The following SHROOM4 variants were observed in gnomAD, a reference collection of about 807,000 sequenced individuals.
SHROOM4 encodes protein Shroom4.
A neutral mutation model predicts 80.3 loss-of-function variants in SHROOM4; 17 were observed. The observed-to-expected ratio is 0.21, with a 90% CI of 0.14 to 0.32. SHROOM4 has a LOEUF of 0.32. Among genes scored for constraint, SHROOM4 ranks in the 10% least tolerant of loss-of-function variants. SHROOM4 has a pLI of 1.00. For synonymous variants in SHROOM4, 400 were observed against 437.5 expected (o/e 0.91, Z 1.07); for missense variants, 993 against 1,140.3 (o/e 0.87, Z 1.86).
At chrX:50,745,056 C>T (rs1934745672) in intron 1 of SHROOM4, among the ~76,000 whole-genome samples, 1 of 111,674 alleles carries the variant, frequency 9.0e-6, no homozygotes, top group African/African-American at 3.3e-5. Context: ...TAGGGTTTAG[C>T]AGCTCATAAA....
intron 1 of SHROOM4, among the ~76,000 whole-genome samples, chrX:50,781,935 G>A (rs952141598): frequency 9.0e-5 from 10 of 111,552 alleles, no homozygotes; most frequent in Non-Finnish European, 9.4e-5. Context: ...TGGGCCGAGC[G>A]TAGCGGCTCA....
chrX:50,665,335 A>G (rs1335869454), intron 2 of SHROOM4, among the ~76,000 whole-genome samples: 1 of 111,215 alleles, frequency 9.0e-6, no homozygotes, highest in East Asian at 2.8e-4. Context: ...GTAACTTAGA[A>G]ATCCTCAATT....
chrX:50,797,569 T>C (rs1016836134), intron 1 of SHROOM4, among the ~76,000 whole-genome samples: 1 of 111,817 alleles, frequency 8.9e-6, no homozygotes, highest in African/African-American at 3.3e-5. Context: ...GAGACAAGGA[T>C]GACTGGGAAA....
chrX:50,716,466 T>C (rs1242025138), intron 1 of SHROOM4, among the ~76,000 whole-genome samples: 1 of 111,955 alleles, frequency 8.9e-6, no homozygotes, highest in Admixed American at 9.5e-5. Flanking sequence ...TAAATATATA[T>C]AATTTTTATG....
chrX:50,682,183 A>G (rs1227220499), intron 2 of SHROOM4, among the ~76,000 whole-genome samples: 1 of 112,014 alleles, frequency 8.9e-6, no homozygotes, highest in Non-Finnish European at 1.9e-5. Flanking sequence ...TCTAAGAGGC[A>G]CTCAATAAAT....
chrX:50,728,623 T>C (rs1270516327), intron 1 of SHROOM4, among the ~76,000 whole-genome samples: 7 of 111,922 alleles, frequency 6.3e-5, no homozygotes, highest in East Asian at 5.7e-4. Flanking sequence ...AATTCAGGTC[T>C]AAAAACAAAG....
intron 2 of SHROOM4, among the ~76,000 whole-genome samples, chrX:50,680,508 A>G (rs1932918347): frequency 9.0e-6 from 1 of 111,331 alleles, no homozygotes; most frequent in Admixed American, 9.6e-5. Context: ...CTCTCTCTAG[A>G]CATATAAATT....
intron 1 of SHROOM4, among the ~76,000 whole-genome samples, chrX:50,750,088 G>C (rs1396162180): frequency 9.0e-6 from 1 of 111,491 alleles, no homozygotes; most frequent in Non-Finnish European, 1.9e-5. Flanking sequence ...TTCTAGGAAT[G>C]GAATGATTGA....
intron 1 of SHROOM4, among the ~76,000 whole-genome samples, chrX:50,785,337 TGA>T (rs1372869234): frequency 1.8e-5 from 2 of 111,781 alleles, no homozygotes; most frequent in Non-Finnish European, 3.8e-5. Context: ...GACTTATATG[TGA>T]CTGTTCATAG....
At chrX:50,664,462 AC>A (rs199902522) in intron 2 of SHROOM4, among the ~76,000 whole-genome samples, 2,902 of 111,895 alleles carry the variant, frequency 0.026, 89 homozygotes, top group African/African-American at 0.09. Context: ...GAGAGAAAGT[AC>A]CTTTGTGTCC....
At chrX:50,614,315 T>C (rs782611384) in intron 5 of SHROOM4, among the ~76,000 whole-genome samples, 1 of 112,129 alleles carries the variant, frequency 8.9e-6, no homozygotes, top group East Asian at 2.8e-4. Flanking sequence ...AAAAATTATG[T>C]CCAGAAAAAA....
downstream of SHROOM4, among the ~76,000 whole-genome samples, chrX:50,586,249 A>G (rs1415648398): frequency 8.9e-6 from 1 of 111,763 alleles, no homozygotes; most frequent in Non-Finnish European, 1.9e-5. Context: ...ATCAGGGAAC[A>G]AGTTGTTATT....
downstream of SHROOM4, among the ~76,000 whole-genome samples, chrX:50,585,765 C>T (rs1928747106): frequency 9.0e-6 from 1 of 111,592 alleles, no homozygotes; most frequent in South Asian, 3.8e-4. Context: ...TTTTGAGTGC[C>T]ATTCCAGCGA....
Position 50,593,070 on chromosome X carries a change from T to C in SHROOM4, c.*3625A>G, listed in dbSNP as rs1398026513. 1 of 111,759 alleles carries C rather than the reference T, an allele frequency of 8.9e-6. No homozygotes were observed. Among genetic ancestry groups the C allele is most frequent in the Non-Finnish European group, 1.9e-5 (1 of 53,182 alleles). The allele number at this position is 111,759 out of a possible 1,213,427, so 9.2% of individuals were successfully genotyped here. A position where few individuals can be genotyped will look rare whatever the true frequency, so the allele number is the denominator to read the frequency against. ...ACTCTGTACCCCCTACTCAGGATGG[T>C]CTTGAAATAGATGTCTAAAAGCTGT... is the stretch of plus-strand genomic sequence containing the variant. On this transcript the variant is annotated 3_prime_UTR_variant, in exon 9 of 9. Coordinates refer to ENST00000376020, the MANE Select transcript of SHROOM4 (RefSeq NM_020717.5).
At chrX:50,723,116 CAT>C (rs1934156967) in intron 1 of SHROOM4, among the ~76,000 whole-genome samples, 1 of 103,416 alleles carries the variant, frequency 9.7e-6, no homozygotes, top group African/African-American at 3.5e-5. Context: ...TACTTATTGA[CAT>C]ATGTGATGTC....
chrX:50,725,952 T>A (rs1934233888), intron 1 of SHROOM4, among the ~76,000 whole-genome samples: 1 of 111,950 alleles, frequency 8.9e-6, no homozygotes, highest in Non-Finnish European at 1.9e-5. Context: ...GTTTGGAACT[T>A]CCTAGAGACT....
intron 1 of SHROOM4, among the ~76,000 whole-genome samples, chrX:50,764,098 G>A (rs1391153076): frequency 6.3e-5 from 7 of 111,753 alleles, no homozygotes; most frequent in Admixed American, 9.5e-5. Flanking sequence ...CCTCAACAGC[G>A]CTGCTGACCT....
chrX:50,769,777 G>C (rs1039113878), intron 1 of SHROOM4, among the ~76,000 whole-genome samples: 24 of 111,196 alleles, frequency 2.2e-4, no homozygotes, highest in African/African-American at 7.9e-4. Context: ...TGTTGTACAA[G>C]GCCCAGTGAG....
intron 2 of SHROOM4, among the ~76,000 whole-genome samples, chrX:50,688,830 A>G (rs1557262460): frequency 9.1e-6 from 1 of 110,467 alleles, no homozygotes; most frequent in African/African-American, 3.3e-5. Flanking sequence ...GTAGGGAAGT[A>G]GGAACTATGA....
Sources: gnomAD v4.1 joint callset for allele counts (sites outside exome capture counted in the v4.1 genomes callset) on GRCh38, gnomAD v4.1.1 for gene constraint, MANE v1.5 for transcripts, NCBI Gene and HGNC (gene_info 2026-07-23, HGNC 2026-07-21) for gene names.